Variants in ACHE observed in about 807,000 individuals in gnomAD.
The protein encoded by ACHE is acetylcholinesterase (Yt blood group), also known as acetylcholinesterase.
ACHE carries 19 observed loss-of-function variants against 53.9 expected under a neutral mutation model. That is an observed-to-expected ratio of 0.35 (90% CI 0.25 to 0.52). The LOEUF (loss-of-function observed/expected upper bound fraction) is 0.52, where lower values mean the gene tolerates loss of function less well. ACHE is among the 20% of genes least tolerant of loss of function. ACHE has a pLI of 0.95. For missense variants in ACHE, 605 were observed against 849.4 expected (o/e 0.71, Z 3.58); for synonymous variants, 392 against 378.1 (o/e 1.04, Z -0.43).
intron 1 of ACHE, among the ~76,000 whole-genome samples, chr7:100,894,988 G>A (rs919282699): frequency 1.3e-5 from 2 of 152,152 alleles, no homozygotes; most frequent in Non-Finnish European, 2.9e-5. Flanking sequence ...CCGAGAAAAG[G>A]TCGGCGCTCC....
At position 100,890,301 on chromosome 7, in the gene ACHE, G is replaced by C. The variant is rs762461965; in HGVS notation, c.1758C>G (p.Ala586=). 3.0e-5 allele frequency: 48 copies of C among 1,607,794 alleles called. No homozygotes were observed. The highest frequency in any genetic ancestry group is 3.7e-5 in the Non-Finnish European group (44 of 1,177,292). Reference sequence around the variant, plus strand: ...TGTAGGAGCTCCAGCGGTGGAACTCGGCCTTCCACTGGCGCTCCGCCTCGT... The same window carrying C: ...TGTAGGAGCTCCAGCGGTGGAACTCCGCCTTCCACTGGCGCTCCGCCTCGT... ...TLDEAERQWK[A]EFHRWSSYMV... Residue 586 remains alanine (A), a synonymous_variant, in exon 5 of 5, where the codon GCC becomes GCG. Coordinates refer to ENST00000241069, the MANE Select transcript of ACHE (RefSeq NM_000665.5).
upstream of ACHE, chr7:100,896,984 C>G (rs927919636): frequency 6.7e-6 from 1 of 149,782 alleles, no homozygotes; most frequent in Non-Finnish European, 1.5e-5. Flanking sequence ...AGGCCAGCGT[C>G]GGGCGTGCGT....
chr7:100,893,473 G>A lies in ACHE; in HGVS notation c.760C>T (p.His254Tyr). 6.2e-7 allele frequency: 1 copy of A among 1,607,880 alleles called. No homozygotes were observed. The highest frequency in any genetic ancestry group is 8.5e-7 in the Non-Finnish European group (1 of 1,179,692). Residue 254 changes from histidine to tyrosine, a missense_variant, in exon 2 of 5, where the codon CAC becomes TAC. Transcript: ENST00000241069. ...LLSPPSRGLF[H>Y]RAVLQSGAPN... ...GCACCGCTCTGCAGCACGGCCCTGT[G>A]GAACAGGCCCCGGCTGGGCGGGGAC...
In ACHE at chr7:100,890,435, G is replaced by A. The variant is rs1041546234; in HGVS notation, c.1724-100C>T. The A allele has an allele frequency of 2.7e-6, 4 of 1,496,188 alleles. No individual in the cohort carries two copies. The African/African-American group carries it at 5.5e-5, about 21-fold the overall frequency. 92.7% of individuals were successfully genotyped at this position (1,496,188 alleles called of 1,614,324 possible). On this transcript the variant is annotated intron_variant, in intron 4 of 4. Transcript: ENST00000241069. The stretch of plus-strand genomic sequence containing the variant: ...GTTGAAGGGGGGGTATGAGTGCAGG[G>A]AGGACGCACGGAGAAATGCAGGCGA...
Position 100,893,924 on chromosome 7 carries a change from A to G in ACHE, c.309T>C (p.Tyr103=). 6.2e-7 allele frequency: 1 copy of G among 1,601,910 alleles called. No homozygotes were observed. The highest frequency in any genetic ancestry group is 8.5e-7 in the Non-Finnish European group (1 of 1,173,124). Reference sequence around the variant, plus strand: ...CAAAACCTGGGTATAGGGTGTCCACATATTGGTAGCAGACACTCTGGAAGG... The same window carrying G: ...CAAAACCTGGGTATAGGGTGTCCACGTATTGGTAGCAGACACTCTGGAAGG... ...ATTFQSVCYQ[Y]VDTLYPGFEG... The change falls in exon 2 of 5, where the codon TAT becomes TAC. Residue 103 remains tyrosine (Y), a synonymous_variant. Coordinates refer to ENST00000241069, the MANE Select transcript of ACHE (RefSeq NM_000665.5).
At chr7:100,890,802 A>G in intron 4 of ACHE, 1 of 1,360,102 alleles carries the variant, frequency 7.4e-7, no homozygotes, top group Non-Finnish European at 9.5e-7. Flanking sequence ...GAAGGGTGGG[A>G]GGCACGGCCC....
In ACHE at chr7:100,893,522, G is replaced by A. The variant is rs767225849; in HGVS notation, c.711C>T (p.Ala237=). ...SVTLFGESAG[A]ASVGMHLLSP... Reference sequence around the variant, plus strand: ...ACAGCAGGTGCATGCCCACCGAGGCGGCTCCCGCGCTCTCCCCAAACAGCG... The same window carrying A: ...ACAGCAGGTGCATGCCCACCGAGGCAGCTCCCGCGCTCTCCCCAAACAGCG... Residue 237 remains alanine (A), a synonymous_variant, in exon 2 of 5, where the codon GCC becomes GCT. Coordinates refer to ENST00000241069, the MANE Select transcript of ACHE (RefSeq NM_000665.5). 33 of 1,609,332 alleles carry A rather than the reference G, an allele frequency of 2.1e-5. No homozygotes were observed. The highest frequency in any genetic ancestry group is 4.5e-5 in the East Asian group (2 of 44,886).
chr7:100,893,171 G>T lies in ACHE; in HGVS notation c.1062C>A (p.Gly354=). Residue 354 remains glycine (G), a synonymous_variant, in exon 2 of 5, where the codon GGC becomes GGA. Transcript: ENST00000241069. ...EALINAGDFH[G]LQVLVGVVKD... is the part of the protein sequence containing the mutation. ...CCAGCTAGCCACTAGTTACCTGCAG[G>T]CCGTGGAAGTCTCCCGCGTTGATGA... 1 of 1,613,814 alleles carries T rather than the reference G, an allele frequency of 6.2e-7. No homozygotes were observed. The highest frequency in any genetic ancestry group is 1.1e-5 in the South Asian group (1 of 91,016).
Position 100,892,213 on chromosome 7 carries a change from C to G in ACHE, c.1553+121G>C. ...ATCTACTTTGTGAGCATATCCCTCT[C>G]TGGCTGTTCTATCCTGCCCCTGTCC... On this transcript the variant is annotated intron_variant, in intron 3 of 4. Transcript: ENST00000241069. The surrounding 1 kb of genome is among the most constrained non-coding windows in gnomAD (Gnocchi z 5.2). 1 of 1,270,462 alleles carries G rather than the reference C, an allele frequency of 7.9e-7. No individual in the cohort carries two copies. The highest frequency in any genetic ancestry group is 1.0e-6 in the Non-Finnish European group (1 of 973,568). The allele number at this position is 1,270,462 out of a possible 1,614,324, so 78.7% of individuals were successfully genotyped here.
At chr7:100,895,760 C>T (rs1791007803) in intron 1 of ACHE, 42 bp downstream of exon 1, 1 of 152,160 alleles carries the variant, frequency 6.6e-6, no homozygotes, top group African/African-American at 2.4e-5. Context: ...GTGCCCCGGA[C>T]CCGGGCCTTA....
chr7:100,896,744 G>C (rs981170934), upstream of ACHE: 9 of 319,618 alleles, frequency 2.8e-5, no homozygotes, highest in Non-Finnish European at 6.0e-5. Flanking sequence ...TTGGCCACGC[G>C]GCTGGCAGGT....
chr7:100,892,770 C>T lies in ACHE; in HGVS notation c.1117G>A (p.Gly373Arg), dbSNP rs1563036152. ...TTGTCTTTGCTGAAGCCTGGGGCCC[C>T]GTAAACCAGAAAATACGAGCCCTCA... ...KDEGSYFLVY[G>R]APGFSKDNES... Residue 373 changes from glycine to arginine, a missense_variant, in exon 3 of 5, where the codon GGG becomes AGG. Gly to Arg is a moderately radical substitution (Grantham distance 125, BLOSUM62 -2). Transcript: ENST00000241069. The surrounding 1 kb of genome is among the most constrained non-coding windows in gnomAD (Gnocchi z 5.2). The T allele has an allele frequency of 2.5e-6, 4 of 1,606,924 alleles. No homozygotes were observed. Among genetic ancestry groups the T allele is most frequent in the Non-Finnish European group, 3.4e-6 (4 of 1,178,322 alleles).
At chr7:100,890,812 C>T in intron 4 of ACHE, 1 of 1,364,782 alleles carries the variant, frequency 7.3e-7, no homozygotes, top group Non-Finnish European at 9.5e-7. Flanking sequence ...AGGCACGGCC[C>T]CCTCCTCCTG....
Position 100,890,064 on chromosome 7 carries a change from T to G in ACHE, c.*150A>C. On this transcript the variant is annotated 3_prime_UTR_variant, in exon 5 of 5. Coordinates refer to ENST00000241069, the MANE Select transcript of ACHE (RefSeq NM_000665.5). Reference sequence around the variant, plus strand: ...GGGGGAGGGAGCTCAGCCTGAGACATGCAGAGGACCGGGAGCCCCGGGGGA... The same window carrying G: ...GGGGGAGGGAGCTCAGCCTGAGACAGGCAGAGGACCGGGAGCCCCGGGGGA... The G allele has an allele frequency of 3.2e-6, 3 of 931,138 alleles. No individual in the cohort carries two copies. Among genetic ancestry groups the G allele is most frequent in the Non-Finnish European group, 4.7e-6 (3 of 636,800 alleles). The allele number at this position is 931,138 out of a possible 1,614,324, so 57.7% of individuals were successfully genotyped here. A position where few individuals can be genotyped will look rare whatever the true frequency, so the allele number is the denominator to read the frequency against.
rs1343315644 is a variant in ACHE at position 100,891,249 on chromosome 7, G to A, written c.1643C>T (p.Pro548Leu). 2 of 1,611,330 alleles carry A rather than the reference G, an allele frequency of 1.2e-6. No individual in the cohort carries two copies. The highest frequency in any genetic ancestry group is 1.7e-5 in the Admixed American group (1 of 59,892). ...AQQYVSLDLR[P>L]LEVRRGLRAQ... ...GCGCAGCCCCCGCCGCACCTCCAGCGGCCGCAGGTCCAGACTAACGTACTG... is the reference window on the plus strand; with the variant it reads ...GCGCAGCCCCCGCCGCACCTCCAGCAGCCGCAGGTCCAGACTAACGTACTG... Residue 548 changes from proline to leucine, a missense_variant, in exon 4 of 5, where the codon CCG becomes CTG. Physicochemically the swap from Pro to Leu is moderately conservative, Grantham distance 98 (BLOSUM62 -3). This residue lies in a region of ACHE where 91 missense variants were observed against 83.2 expected (regional missense o/e 1.09). Transcript: ENST00000241069.
chr7:100,894,276 G>A, intron 1 of ACHE, 24 bp from the exon 2 acceptor site: 1 of 1,406,178 alleles, frequency 7.1e-7, no homozygotes, highest in South Asian at 1.5e-5. Context: ...GAAAGGGAAA[G>A]GGTGAAGGGT....
chr7:100,890,536 G>A (rs1010128768), intron 4 of ACHE: 78 of 1,414,954 alleles, frequency 5.5e-5, no homozygotes, highest in Non-Finnish European at 6.6e-5. Flanking sequence ...AGGCGGGGCC[G>A]GAGAAGGACA....
At chr7:100,890,778 G>T in intron 4 of ACHE, 1 of 1,351,650 alleles carries the variant, frequency 7.4e-7, no homozygotes, top group Non-Finnish European at 9.5e-7. Flanking sequence ...CAACAAAGGC[G>T]TGGGGGTCCC....
Position 100,893,702 on chromosome 7 carries a change from C to T in ACHE, c.531G>A (p.Leu177=), listed in dbSNP as rs879200475. 7 of 1,613,350 alleles carry T rather than the reference C, an allele frequency of 4.3e-6. No homozygotes were observed. The South Asian group carries it at 5.5e-5, about 13-fold the overall frequency. The change falls in exon 2 of 5, where the codon CTG becomes CTA. Residue 177 remains leucine (L), a synonymous_variant. Coordinates refer to ENST00000241069, the MANE Select transcript of ACHE (RefSeq NM_000665.5). The part of the protein sequence containing the change: ...RFLVQAERTV[L]VSMNYRVGAF... Reference sequence around the variant, plus strand: ...CTCCCACCCGGTAGTTCATGGACACCAGCACAGTCCTCTCGGCCTGTACCA... The same window carrying T: ...CTCCCACCCGGTAGTTCATGGACACTAGCACAGTCCTCTCGGCCTGTACCA...
Sources: allele counts gnomAD v4.1 joint callset (sites outside exome capture counted in the v4.1 genomes callset), GRCh38; gene constraint gnomAD v4.1.1; regional missense constraint gnomAD v4.1.1; non-coding constraint Gnocchi (gnomAD v3.1); transcripts MANE v1.5; gene names NCBI Gene and HGNC (gene_info 2026-07-23, HGNC 2026-07-21).